The following ANK2 variants were observed in gnomAD, a reference collection of about 807,000 sequenced individuals.
ANK2 encodes the protein ankyrin-2.
A neutral mutation model predicts 360.5 loss-of-function variants in ANK2; 83 were observed. The observed-to-expected ratio is 0.23, with a 90% CI of 0.19 to 0.28. The LOEUF is 0.28. Among genes scored for constraint, ANK2 ranks in the 10% least tolerant of loss-of-function variants. ANK2 has a pLI of 1.00. For synonymous variants in ANK2, 1,740 were observed against 1,759.5 expected (o/e 0.99, Z 0.28); for missense variants, 4,201 against 4,795.7 (o/e 0.88, Z 3.66).
the ANK2 span, among the ~76,000 whole-genome samples, chr4:112,719,539 T>A: frequency 5.6e-3 from 856 of 151,984 alleles, 3 homozygotes; most frequent in Non-Finnish European, 9.6e-3. Context: ...CCATCCTGGC[T>A]AACACAGTGA....
chr4:113,134,127 G>A (rs548652084), intron 1 of ANK2, among the ~76,000 whole-genome samples: 2 of 152,024 alleles, frequency 1.3e-5, no homozygotes, highest in Admixed American at 1.3e-4. Flanking sequence ...CATCAAGGCC[G>A]ATTTCTAAGT....
the ANK2 span, among the ~76,000 whole-genome samples, chr4:112,795,323 A>G: frequency 1.6e-4 from 25 of 152,166 alleles, no homozygotes; most frequent in Admixed American, 1.4e-3. Flanking sequence ...TGACATGATG[A>G]TAACTAGCCC....
chr4:112,913,839 A>G (rs998236046), intron 2 of ANK2, among the ~76,000 whole-genome samples: 11 of 152,208 alleles, frequency 7.2e-5, no homozygotes, highest in African/African-American at 2.7e-4. Context: ...TCAATTTGCC[A>G]TGGAATTTAG....
chr4:113,075,001 G>A (rs750618586), intron 1 of ANK2, among the ~76,000 whole-genome samples: 6 of 152,220 alleles, frequency 3.9e-5, no homozygotes, highest in Middle Eastern at 6.8e-3. Context: ...TTGATTGTGT[G>A]GTCCTCAGAT....
chr4:112,897,546 C>T (rs766775754), intron 1 of ANK2, among the ~76,000 whole-genome samples: 2 of 152,158 alleles, frequency 1.3e-5, no homozygotes, highest in Non-Finnish European at 2.9e-5. Context: ...AAAATTTCCT[C>T]ATCTGTGAAA....
At chr4:112,994,586 G>A (rs1323510823) in intron 2 of ANK2, among the ~76,000 whole-genome samples, 2 of 152,188 alleles carry the variant, frequency 1.3e-5, no homozygotes, top group African/African-American at 2.4e-5. Context: ...TATAGACATC[G>A]GGCTTTTGGA....
At chr4:113,081,121 G>T (rs559217854) in intron 1 of ANK2, among the ~76,000 whole-genome samples, 7 of 152,146 alleles carry the variant, frequency 4.6e-5, no homozygotes, top group Non-Finnish European at 1.0e-4. Context: ...TAAAGAATTT[G>T]GTTTCTTGAA....
At chr4:112,853,706 A>G (rs2065609282) in intron 1 of ANK2, among the ~76,000 whole-genome samples, 1 of 152,232 alleles carries the variant, frequency 6.6e-6, no homozygotes, top group Non-Finnish European at 1.5e-5. Context: ...AAATTAGCTA[A>G]GTATTATAAA....
intron 1 of ANK2, among the ~76,000 whole-genome samples, chr4:113,084,878 T>G (rs1208485375): frequency 2.0e-5 from 3 of 152,210 alleles, no homozygotes; most frequent in East Asian, 3.8e-4. Context: ...TTTTAGCCTC[T>G]CAATGAGCCT....
chr4:113,176,533 A>G (rs536813998), intron 2 of ANK2, among the ~76,000 whole-genome samples: 1 of 152,250 alleles, frequency 6.6e-6, no homozygotes, highest in Non-Finnish European at 1.5e-5. Context: ...TAAGAAAGAA[A>G]GAACATTCAA....
chr4:113,372,498 T>C (rs1450319743), intron 43 of ANK2: 1 of 1,341,328 alleles, frequency 7.5e-7, no homozygotes, highest in Non-Finnish European at 1.0e-6. Context: ...TTCCTTAGCA[T>C]GTTAAACAAA....
At chr4:113,068,053 CAAAG>C (rs888412182) in intron 1 of ANK2, among the ~76,000 whole-genome samples, 2 of 152,086 alleles carry the variant, frequency 1.3e-5, no homozygotes, top group African/African-American at 4.8e-5. Flanking sequence ...TAGCCATTCC[CAAAG>C]AAAGCCAAAA....
intron 2 of ANK2, among the ~76,000 whole-genome samples, chr4:112,939,740 C>A (rs763862503): frequency 6.6e-6 from 1 of 152,112 alleles, no homozygotes; most frequent in Non-Finnish European, 1.5e-5. Context: ...TTCCAGCTAC[C>A]CAATGCCCTT....
At chr4:113,302,742 A>G in intron 22 of ANK2, 25 bp from the exon 23 acceptor site, 1 of 1,589,494 alleles carries the variant, frequency 6.3e-7, no homozygotes, top group Non-Finnish European at 8.6e-7. Flanking sequence ...TTCAACTTGA[A>G]CATTAATGAT....
chr4:112,917,671 A>T (rs867030465), intron 2 of ANK2, among the ~76,000 whole-genome samples: 62 of 152,360 alleles, frequency 4.1e-4, no homozygotes, highest in Middle Eastern at 3.4e-3. Flanking sequence ...TTGTAGGCTC[A>T]GAAACTAAGT....
At chr4:113,136,241 A>C (rs958875593) in intron 1 of ANK2, among the ~76,000 whole-genome samples, 2 of 152,192 alleles carry the variant, frequency 1.3e-5, no homozygotes, top group Admixed American at 6.5e-5. Flanking sequence ...AATCATCCTG[A>C]TGGCTCTGTG....
intron 2 of ANK2, among the ~76,000 whole-genome samples, chr4:112,971,838 A>G (rs1033083772): frequency 3.3e-5 from 5 of 152,216 alleles, no homozygotes; most frequent in African/African-American, 1.2e-4. Flanking sequence ...GTACCCTATG[A>G]TGAAAGACTC....
the ANK2 span, among the ~76,000 whole-genome samples, chr4:112,811,676 C>A: frequency 1.3e-5 from 2 of 152,122 alleles, no homozygotes; most frequent in African/African-American, 4.8e-5. Context: ...TTGTCTGAAC[C>A]AGTTACTCCA....
intron 15 of ANK2, 32 bp downstream of exon 15, chr4:113,274,681 C>T: frequency 6.2e-7 from 1 of 1,608,146 alleles, no homozygotes; most frequent in Non-Finnish European, 8.5e-7. Flanking sequence ...GAACATGGAC[C>T]AAGAGGATTC....
Sources: allele counts gnomAD v4.1 joint callset (sites outside exome capture counted in the v4.1 genomes callset), GRCh38; gene constraint gnomAD v4.1.1; transcripts MANE v1.5; gene names NCBI Gene and HGNC (gene_info 2026-07-23, HGNC 2026-07-21).